UBE4B: variants seen among roughly 807,000 people sequenced by gnomAD.
UBE4B encodes the protein ubiquitin conjugation factor E4 B.
UBE4B carries 27 observed loss-of-function variants against 148.1 expected under a neutral mutation model. That is an observed-to-expected ratio of 0.18 (90% CI 0.13 to 0.25). The LOEUF (loss-of-function observed/expected upper bound fraction) is 0.25, where lower values mean the gene tolerates loss of function less well. Among genes scored for constraint, UBE4B ranks in the 10% least tolerant of loss-of-function variants. UBE4B has a pLI of 1.00. For missense variants in UBE4B, 1,170 were observed against 1,662.4 expected (o/e 0.70, Z 5.15); for synonymous variants, 596 against 619.3 (o/e 0.96, Z 0.56).
In UBE4B at chr1:10,149,257, G is replaced by A. The variant is rs773827691; in HGVS notation, c.2665G>A (p.Ala889Thr). The change falls in exon 20 of 28, where the codon GCA becomes ACA. Residue 889 changes from alanine to threonine, a missense_variant. Ala to Thr is a moderately conservative substitution (Grantham distance 58, BLOSUM62 0). Around this residue, in one of 6 missense-constraint regions of UBE4B, gnomAD observed 348 missense variants for 627.2 expected, o/e 0.55. Coordinates refer to ENST00000343090, the MANE Select transcript of UBE4B (RefSeq NM_001105562.3). ...ALPEFYVEDV[A>T]EFLFFIVQYS... ...GCCTGAGTTTTATGTAGAAGATGTT[G>A]CAGAATTTTTATTTTTTATTGTACA... The A allele has an allele frequency of 1.2e-6, 2 of 1,608,574 alleles. No homozygotes were observed. Among genetic ancestry groups the A allele is most frequent in the Non-Finnish European group, 1.7e-6 (2 of 1,178,544 alleles).
intron 21 of UBE4B, among the ~76,000 whole-genome samples, chr1:10,157,559 C>T (rs1646093851): frequency 6.6e-6 from 1 of 152,128 alleles, no homozygotes; most frequent in African/African-American, 2.4e-5. Flanking sequence ...GTGGGTGGAT[C>T]ATGAGGCCAA....
intron 2 of UBE4B, among the ~76,000 whole-genome samples, chr1:10,085,634 C>G (rs952826900): frequency 2.6e-5 from 4 of 152,116 alleles, no homozygotes; most frequent in African/African-American, 9.7e-5. Flanking sequence ...AACTTTAATG[C>G]AACTGTAAAG....
chr1:10,054,977 G>A (rs990570308), intron 1 of UBE4B, among the ~76,000 whole-genome samples: 10 of 151,828 alleles, frequency 6.6e-5, no homozygotes, highest in South Asian at 2.1e-4. Context: ...ATAGAGATGG[G>A]GTTTCTCCAT....
intron 1 of UBE4B, among the ~76,000 whole-genome samples, chr1:10,061,825 A>G (rs1644291670): frequency 6.6e-6 from 1 of 151,546 alleles, no homozygotes; most frequent in Non-Finnish European, 1.5e-5. Flanking sequence ...GCATCTGCTG[A>G]TGTTGAGGAG....
intron 23 of UBE4B, among the ~76,000 whole-genome samples, chr1:10,163,856 T>G (rs548336077): frequency 2.6e-5 from 4 of 151,214 alleles, no homozygotes; most frequent in African/African-American, 7.2e-5. Context: ...AATTTATGCC[T>G]GCTGGGATTA....
rs564583443 is a variant in UBE4B at position 10,099,215 on chromosome 1, C to T, written c.348-1893C>T. On this transcript the variant is annotated intron_variant, in intron 3 of 27. Transcript: ENST00000343090. ...CAAGATTGCACCACTGCACTACAGC[C>T]TGGGTGACAGAGCAAGACTCTGTCT... is the stretch of plus-strand genomic sequence containing the variant. Among the ~76,000 whole-genome samples the T allele has an allele frequency of 9.9e-5, 15 of 152,174 alleles. No individual in the cohort carries two copies. The East Asian group carries it at 2.7e-3, about 27-fold the overall frequency.
At position 10,114,649 on chromosome 1, in the gene UBE4B, A is replaced by G. The variant is rs1645276683; in HGVS notation, c.1197-2810A>G. On this transcript the variant is annotated intron_variant, in intron 7 of 27. Coordinates refer to ENST00000343090, the MANE Select transcript of UBE4B (RefSeq NM_001105562.3). The stretch of plus-strand genomic sequence containing the variant: ...GAGGCTGAGGCAGATGGATCATTTG[A>G]GGTCAGGAGTTTGAGACTATCCCGG... 2.0e-5 allele frequency among the ~76,000 whole-genome samples: 3 copies of G among 152,274 alleles called. No homozygotes were observed. The South Asian group carries it at 6.2e-4, about 32-fold the overall frequency.
At chr1:10,147,858 T>C (rs1254941317) in intron 19 of UBE4B, among the ~76,000 whole-genome samples, 1 of 152,206 alleles carries the variant, frequency 6.6e-6, no homozygotes, top group Non-Finnish European at 1.5e-5. Flanking sequence ...ATTATTTTAC[T>C]GTTATGAAGT....
At chr1:10,178,939 C>T (rs1646466704) in intron 26 of UBE4B, 121 bp downstream of exon 26, 4 of 1,071,624 alleles carry the variant, frequency 3.7e-6, no homozygotes, top group Non-Finnish European at 5.1e-6. Flanking sequence ...CTTTTTGAGA[C>T]AATCTGTCTT....
At chr1:10,034,650 T>A (rs1643434592) in intron 1 of UBE4B, among the ~76,000 whole-genome samples, 1 of 152,208 alleles carries the variant, frequency 6.6e-6, no homozygotes, top group African/African-American at 2.4e-5. Context: ...TCATGTAAAC[T>A]TCCCTACAGT....
rs1418655627 is a variant in UBE4B, at chr1:10,162,108, C to T, written c.3198+822C>T. On this transcript the variant is annotated intron_variant, in intron 23 of 27. Transcript: ENST00000343090. Reference sequence around the variant, plus strand: ...CCGCTTCTCCGGTTGAAGCGATTTTCGTGCCTCAGCCTTCTGAATAGCTGG... The same window carrying T: ...CCGCTTCTCCGGTTGAAGCGATTTTTGTGCCTCAGCCTTCTGAATAGCTGG... Among the ~76,000 whole-genome samples the T allele has an allele frequency of 7.3e-5, 11 of 151,236 alleles. No individual in the cohort carries two copies. In the South Asian group the frequency reaches 8.3e-4, roughly 11 times the overall value.
intron 25 of UBE4B, among the ~76,000 whole-genome samples, chr1:10,176,790 T>C (rs1053704350): frequency 1.4e-4 from 20 of 144,948 alleles, no homozygotes; most frequent in Non-Finnish European, 2.4e-4. Flanking sequence ...TTTTCTTTTT[T>C]TTTTTTTTTT....
chr1:10,164,257 C>T (rs1441166494), intron 23 of UBE4B, among the ~76,000 whole-genome samples: 1 of 152,090 alleles, frequency 6.6e-6, no homozygotes, highest in Non-Finnish European at 1.5e-5. Context: ...GGGAGAATCA[C>T]TTGAACCCAG....
chr1:10,106,252 A>G lies in UBE4B; in HGVS notation c.865A>G (p.Met289Val), dbSNP rs758376675. 2 of 1,613,758 alleles carry G rather than the reference A, an allele frequency of 1.2e-6. No individual in the cohort carries two copies. Among genetic ancestry groups the G allele is most frequent in the South Asian group, 1.1e-5 (1 of 91,070 alleles). The change falls in exon 7 of 28, where the codon ATG (methionine) becomes GTG (valine). Residue 289 changes from methionine (M) to valine (V), a missense_variant. This residue lies in a region of UBE4B where 214 missense variants were observed against 209.1 expected (regional missense o/e 1.02). Coordinates refer to ENST00000343090, the MANE Select transcript of UBE4B (RefSeq NM_001105562.3). This position sits in a 1 kb window ranked among gnomAD's most constrained non-coding sequence, Gnocchi z 4.2. Reference sequence around the variant, plus strand: ...CAGTTTCTGGAGCTCTGTTCCCGTGATGGGCCCGTCTCTTGCCTCACCTTC... The same window carrying G: ...CAGTTTCTGGAGCTCTGTTCCCGTGGTGGGCCCGTCTCTTGCCTCACCTTC... ...TPSFWSSVPV[M>V]GPSLASPSRA... is the part of the protein sequence containing the mutation.
chr1:10,089,424 T>G (rs1040655894), intron 2 of UBE4B, among the ~76,000 whole-genome samples: 4 of 152,000 alleles, frequency 2.6e-5, no homozygotes, highest in Non-Finnish European at 5.9e-5. Flanking sequence ...GAGGATCATT[T>G]GAGCCCAAGT....
chr1:10,084,015 G>A (rs919492501), intron 2 of UBE4B, among the ~76,000 whole-genome samples: 2 of 152,064 alleles, frequency 1.3e-5, no homozygotes, highest in East Asian at 1.9e-4. Flanking sequence ...TTCCCTATCC[G>A]CAGCCCCCAC....
At chr1:10,122,530 A>C (rs1346177286) in intron 10 of UBE4B, among the ~76,000 whole-genome samples, 5 of 152,222 alleles carry the variant, frequency 3.3e-5, no homozygotes, top group Admixed American at 3.3e-4. Flanking sequence ...CCCACTAGGA[A>C]AGATGTCTCA....
intron 17 of UBE4B, among the ~76,000 whole-genome samples, chr1:10,140,978 A>C (rs1024468105): frequency 6.6e-6 from 1 of 152,086 alleles, no homozygotes; most frequent in Admixed American, 6.6e-5. Context: ...ACCTCTCCCA[A>C]CTCAGAATAA....
chr1:10,035,083 C>T (rs1200547265), intron 1 of UBE4B, among the ~76,000 whole-genome samples: 1 of 151,838 alleles, frequency 6.6e-6, no homozygotes, highest in African/African-American at 2.4e-5. Flanking sequence ...ACTGCAAGCT[C>T]CGCCTCCCGG....
Sources: allele counts gnomAD v4.1 joint callset (sites outside exome capture counted in the v4.1 genomes callset), GRCh38; gene constraint gnomAD v4.1.1; regional missense constraint gnomAD v4.1.1; non-coding constraint Gnocchi (gnomAD v3.1); transcripts MANE v1.5; gene names NCBI Gene and HGNC (gene_info 2026-07-23, HGNC 2026-07-21).